The following MAP1S variants were observed in gnomAD, a reference collection of about 807,000 sequenced individuals.
The protein encoded by MAP1S is microtubule-associated protein 1S.
A neutral mutation model predicts 60.9 loss-of-function variants in MAP1S; 27 were observed. The observed-to-expected ratio is 0.44, with a 90% confidence interval of 0.33 to 0.61. The LOEUF (loss-of-function observed/expected upper bound fraction) is 0.61, where lower values mean the gene tolerates loss of function less well. Among genes scored for constraint, MAP1S ranks in the 20% least tolerant of loss-of-function variants. MAP1S has a pLI of 0.03. For synonymous variants in MAP1S, 826 were observed against 694.2 expected (o/e 1.19, Z -2.98); for missense variants, 1,608 against 1,486.6 (o/e 1.08, Z -1.34).
In MAP1S at chr19:17,732,522, C is replaced by T. The variant is rs147350451; in HGVS notation, c.2789-671C>T. On this transcript the variant is annotated intron_variant, in intron 5 of 6. Coordinates refer to ENST00000324096, the MANE Select transcript of MAP1S (RefSeq NM_018174.6). ...AGGCCCCCAGAGCTGCTGTCTCATC[C>T]GCATCCAGCATCCCGCAGTGATCTT... 2.0e-3 allele frequency among the ~76,000 whole-genome samples: 301 copies of T among 152,298 alleles called. 1 individual carries two copies. Among genetic ancestry groups the T allele is most frequent in the Non-Finnish European group, 3.5e-3 (240 of 68,030 alleles).
chr19:17,727,675 A>G lies in MAP1S; in HGVS notation c.2291A>G (p.Asn764Ser). Residue 764 changes from asparagine to serine, a missense_variant, in exon 5 of 7, where the codon AAT (asparagine) becomes AGT (serine). Transcript: ENST00000324096. This position sits in a 1 kb window ranked among gnomAD's most constrained non-coding sequence, Gnocchi z 4.1. ...GCACCTGCGTCCCCCGGCAGCTCGA[A>G]TGACAGCAGTGCCCGGTCACAGGAA... ...APAPASPGSS[N>S]DSSARSQERA... 1 of 1,609,744 alleles carries G rather than the reference A, an allele frequency of 6.2e-7. No individual in the cohort carries two copies. The highest frequency in any genetic ancestry group is 8.5e-7 in the Non-Finnish European group (1 of 1,179,624).
At position 17,727,350 on chromosome 19, in the gene MAP1S, C is replaced by T. The variant is rs1395878541; in HGVS notation, c.1966C>T (p.Leu656=). The change falls in exon 5 of 7, where the codon CTG becomes TTG. Residue 656 remains leucine (L), a synonymous_variant. Coordinates refer to ENST00000324096, the MANE Select transcript of MAP1S (RefSeq NM_018174.6). The surrounding 1 kb of genome is among the most constrained non-coding windows in gnomAD (Gnocchi z 4.1). ...SPAEGSERLS[L]SPLRGGEAGP... ...CGCAGAGGGCAGCGAGCGGCTGTCG[C>T]TGAGCCCACTGCGGGGCGGGGAGGC... 2.5e-6 allele frequency: 4 copies of T among 1,587,014 alleles called. No homozygotes were observed. The South Asian group carries it at 4.5e-5, about 18-fold the overall frequency.
At position 17,720,131 on chromosome 19, in the gene MAP1S, C is replaced by CT. The variant is rs1411986283; in HGVS notation, c.118+512dup. 8.5e-6 allele frequency: 11 copies of CT among 1,287,668 alleles called. No homozygotes were observed. In the African/African-American group the frequency reaches 1.7e-4, roughly 20 times the overall value. The allele number at this position is 1,287,668 out of a possible 1,614,324, so 79.8% of individuals were successfully genotyped here. A position where few individuals can be genotyped will look rare whatever the true frequency, so the allele number is the denominator to read the frequency against. Reference sequence around the variant, plus strand: ...GGGGTGTGGGCGGGTGCGGCCTGCCCTGGGGATTTGGCACCTAGGGAGGTG... The same window carrying CT: ...GGGGTGTGGGCGGGTGCGGCCTGCCCTTGGGGATTTGGCACCTAGGGAGGTG... On this transcript the variant is annotated intron_variant, in intron 1 of 6. Coordinates refer to ENST00000324096, the MANE Select transcript of MAP1S (RefSeq NM_018174.6).
intron 1 of MAP1S, 69 bp downstream of exon 1, chr19:17,719,689 G>A: frequency 1.3e-6 from 1 of 786,632 alleles, no homozygotes; most frequent in Non-Finnish European, 1.6e-6. Flanking sequence ...GCCCGGGGCC[G>A]GCGGGGTGGG....
rs1045422240 is a variant in MAP1S, at chr19:17,720,232, G to A, written c.118+612G>A. On this transcript the variant is annotated intron_variant, in intron 1 of 6. Transcript: ENST00000324096. ...ACTGGCGGGCGTGATGCGCCCGTGG[G>A]TGGAGATGGGTGTTCATCCCCCATC... The A allele has an allele frequency of 5.2e-5, 72 of 1,383,504 alleles. No homozygotes were observed. In the South Asian group the frequency reaches 6.7e-4, roughly 13 times the overall value. The allele number at this position is 1,383,504 out of a possible 1,614,324, so 85.7% of individuals were successfully genotyped here.
At chr19:17,731,886 T>C (rs1033719536) in intron 5 of MAP1S, among the ~76,000 whole-genome samples, 1 of 152,184 alleles carries the variant, frequency 6.6e-6, no homozygotes, top group African/African-American at 2.4e-5. Context: ...AGGCTGGTCT[T>C]GAACTCCTGA....
rs747925907 is a variant in MAP1S at position 17,734,359 on chromosome 19, G to T, written c.3111G>T (p.Thr1037=). 4 of 1,613,808 alleles carry T rather than the reference G, an allele frequency of 2.5e-6. No homozygotes were observed. The highest frequency in any genetic ancestry group is 2.5e-6 in the Non-Finnish European group (3 of 1,179,986). Residue 1037 remains threonine (T), a synonymous_variant, in exon 7 of 7, where the codon ACG becomes ACT. Transcript: ENST00000324096. The part of the protein sequence containing the change: ...THARHQALGI[T]VLGSNSMVSM... ...CCCGGCACCAGGCGCTGGGCATCACGGTGTTGGGCAGCAACAGCATGGTGT... is the reference window on the plus strand; with the variant it reads ...CCCGGCACCAGGCGCTGGGCATCACTGTGTTGGGCAGCAACAGCATGGTGT...
At chr19:17,731,500 T>G (rs2080493072) in intron 5 of MAP1S, among the ~76,000 whole-genome samples, 3 of 152,340 alleles carry the variant, frequency 2.0e-5, no homozygotes, top group Middle Eastern at 6.8e-3. Flanking sequence ...CTGTTTTGAT[T>G]ACTGTAGCTT....
chr19:17,724,292 A>C lies in MAP1S; in HGVS notation c.303+84A>C, dbSNP rs1417954941. 8 of 1,113,060 alleles carry C rather than the reference A, an allele frequency of 7.2e-6. No individual in the cohort carries two copies. The Middle Eastern group carries it at 5.9e-4, about 82-fold the overall frequency. 68.9% of individuals were successfully genotyped at this position (1,113,060 alleles called of 1,614,324 possible). A position where few individuals can be genotyped will look rare whatever the true frequency, so the allele number is the denominator to read the frequency against. On this transcript the variant is annotated intron_variant, in intron 3 of 6. Coordinates refer to ENST00000324096, the MANE Select transcript of MAP1S (RefSeq NM_018174.6). ...CTTCCTGTCTCGTGTCCTTGTCTTC[A>C]TGCTGCCCCAGATCCTCTCAAGACA...
At chr19:17,728,284 T>A (rs1342266732) in intron 5 of MAP1S, 112 bp downstream of exon 5, 4 of 1,213,474 alleles carry the variant, frequency 3.3e-6, no homozygotes, top group African/African-American at 3.1e-5. Context: ...ATGGTCTCAC[T>A]CTGTCTCTGA....
At position 17,733,358 on chromosome 19, in the gene MAP1S, A is replaced by G; in HGVS notation, c.2954A>G (p.Lys985Arg). The G allele has an allele frequency of 6.2e-7, 1 of 1,611,488 alleles. No homozygotes were observed. Among genetic ancestry groups the G allele is most frequent in the Non-Finnish European group, 8.5e-7 (1 of 1,179,408 alleles). ...GTCATCAGTGGCCAGGACCAGCGCA[A>G]GGAGGAAGGCATGCGGGCCGTCCTG... ...CYVISGQDQR[K>R]EEGMRAVLDA... Residue 985 changes from lysine (K) to arginine (R), a missense_variant, in exon 6 of 7, where the codon AAG becomes AGG. Physicochemically the swap from Lys to Arg is conservative, Grantham distance 26 (BLOSUM62 2). Coordinates refer to ENST00000324096, the MANE Select transcript of MAP1S (RefSeq NM_018174.6).
At position 17,728,172 on chromosome 19, in the gene MAP1S, G is replaced by T; in HGVS notation, c.2788G>T (p.Gly930Trp). Residue 930 changes from glycine to tryptophan, a missense_variant and splice_region_variant, in exon 5 of 7, where the codon GGG (glycine) becomes TGG (tryptophan). Physicochemically the swap from Gly to Trp is radical, Grantham distance 184. Transcript: ENST00000324096. Reference sequence around the variant, plus strand: ...CAAGACTGCCACTCGAGGCCCGTCGGGTGAGTACTGGAGCTGGGGCCCTGG... The same window carrying T: ...CAAGACTGCCACTCGAGGCCCGTCGTGTGAGTACTGGAGCTGGGGCCCTGG... ...TPKTATRGPS[G>W]SASSRPGVSA... The T allele has an allele frequency of 6.3e-7, 1 of 1,581,940 alleles. No homozygotes were observed. The highest frequency in any genetic ancestry group is 8.6e-7 in the Non-Finnish European group (1 of 1,160,636).
At position 17,727,786 on chromosome 19, in the gene MAP1S, C is replaced by A. The variant is rs1182128928; in HGVS notation, c.2402C>A (p.Pro801His). 3 of 1,611,888 alleles carry A rather than the reference C, an allele frequency of 1.9e-6. No homozygotes were observed. The highest frequency in any genetic ancestry group is 2.5e-6 in the Non-Finnish European group (3 of 1,179,194). The change falls in exon 5 of 7, where the codon CCC becomes CAC. Residue 801 changes from proline (P) to histidine (H), a missense_variant. Around this residue, in one of 4 missense-constraint regions of MAP1S, gnomAD observed 1,167 missense variants for 961.4 expected, o/e 1.21. Transcript: ENST00000324096. This position sits in a 1 kb window ranked among gnomAD's most constrained non-coding sequence, Gnocchi z 4.1. ...ACCCTGTCTGACTCGGATCCCGTGC[C>A]CCTGGCCCCCGGTGCGGCAGACTCA... is the stretch of plus-strand genomic sequence containing the variant. ...LPTLSDSDPV[P>H]LAPGAADSDE...
At chr19:17,720,880 T>A in intron 1 of MAP1S, 56 bp from the exon 2 acceptor site, 1 of 1,346,074 alleles carries the variant, frequency 7.4e-7, no homozygotes, top group Non-Finnish European at 1.1e-6. Context: ...TATTGAAATA[T>A]TCTGGGAGCT....
At chr19:17,732,294 C>T (rs535088020) in intron 5 of MAP1S, among the ~76,000 whole-genome samples, 19 of 152,286 alleles carry the variant, frequency 1.2e-4, no homozygotes, top group Middle Eastern at 3.4e-3. Flanking sequence ...GTGTCCATTT[C>T]GGCTGAGGGT....
Position 17,726,791 on chromosome 19 carries a change from A to T in MAP1S, c.1407A>T (p.Arg469=), listed in dbSNP as rs1379540821. 1 of 1,557,432 alleles carries T rather than the reference A, an allele frequency of 6.4e-7. No individual in the cohort carries two copies. Among genetic ancestry groups the T allele is most frequent in the African/African-American group, 1.4e-5 (1 of 73,480 alleles). Residue 469 remains arginine (R), a synonymous_variant, in exon 5 of 7, where the codon CGA becomes CGT. Coordinates refer to ENST00000324096, the MANE Select transcript of MAP1S (RefSeq NM_018174.6). ...VTPQDLEGPG[R]AESKESVGSR... ...CCCAGGACCTGGAGGGGCCGGGGCG[A>T]GCCGAGAGCAAAGAGAGCGTGGGCT...
intron 1 of MAP1S, chr19:17,720,425 A>T (rs1215267858): frequency 6.5e-7 from 1 of 1,535,270 alleles, no homozygotes; most frequent in Non-Finnish European, 8.7e-7. Flanking sequence ...AGCCCTGCCA[A>T]CACAGGTCTG....
Position 17,733,275 on chromosome 19 carries a change from G to T in MAP1S, c.2871G>T (p.Gly957=). 1 of 1,570,074 alleles carries T rather than the reference G, an allele frequency of 6.4e-7. No individual in the cohort carries two copies. Among genetic ancestry groups the T allele is most frequent in the East Asian group, 2.4e-5 (1 of 42,178 alleles). Residue 957 remains glycine, a synonymous_variant, in exon 6 of 7, where the codon GGG becomes GGT. Coordinates refer to ENST00000324096, the MANE Select transcript of MAP1S (RefSeq NM_018174.6). ...TGGACCTGGCCTACCTGCCCAGCGG[G>T]AGCAGCGCCCACCTGGTGGATGAGG... The part of the protein sequence containing the change: ...VYLDLAYLPS[G]SSAHLVDEEF...
At chr19:17,728,986 G>C (rs1599465102) in intron 5 of MAP1S, 1 of 152,238 alleles carries the variant, frequency 6.6e-6, no homozygotes, top group East Asian at 1.9e-4. Flanking sequence ...GGACAGGTGA[G>C]CACGTATGCC....
Sources: allele counts gnomAD v4.1 joint callset (sites outside exome capture counted in the v4.1 genomes callset), GRCh38; gene constraint gnomAD v4.1.1; regional missense constraint gnomAD v4.1.1; non-coding constraint Gnocchi (gnomAD v3.1); transcripts MANE v1.5; gene names NCBI Gene and HGNC (gene_info 2026-07-23, HGNC 2026-07-21).